Variants in AFAP1 observed in about 807,000 individuals in gnomAD.
The protein encoded by AFAP1 is actin filament-associated protein 1.
In AFAP1, 75 loss-of-function variants were observed where a neutral mutation model predicts 93.9. The observed-to-expected ratio is 0.80, with a 90% confidence interval of 0.66 to 0.97. AFAP1 has a LOEUF of 0.97. Ranked by LOEUF, AFAP1 falls within the 50% of genes least tolerant of loss-of-function variation. The probability of loss-of-function intolerance (pLI) is 0.00; values close to 1 mark genes in which losing one functional copy is unlikely to be tolerated. For synonymous variants in AFAP1, 517 were observed against 430.7 expected (o/e 1.20, Z -2.48); for missense variants, 1,201 against 1,050.8 (o/e 1.14, Z -1.98).
chr4:7,774,960 G>A (rs1715949600), intron 14 of AFAP1, 57 bp from the exon 15 acceptor site: 3 of 1,577,036 alleles, frequency 1.9e-6, no homozygotes, highest in Admixed American at 3.7e-5. Flanking sequence ...TGGGAAATAT[G>A]GGACGATCCC....
rs191045410 is a variant in AFAP1 at position 7,925,177 on chromosome 4, G to A, written c.-3+14479C>T. Among the ~76,000 whole-genome samples the A allele has an allele frequency of 8.6e-4, 127 of 147,772 alleles. 1 individual carries two copies. The highest frequency in any genetic ancestry group is 2.9e-3 in the African/African-American group (115 of 39,770). ...TTCCTTTATTTCCCCCAAAGAATAA[G>A]TCTTAAATGAGGGGCTTCTCTCTGT... is the stretch of plus-strand genomic sequence containing the variant. On this transcript the variant is annotated intron_variant, in intron 1 of 17. Transcript: ENST00000420658.
intron 17 of AFAP1, among the ~76,000 whole-genome samples, chr4:7,767,096 C>G (rs549447501): frequency 6.6e-6 from 1 of 152,232 alleles, no homozygotes; most frequent in African/African-American, 2.4e-5. Context: ...TGTCACTGTT[C>G]TCAGAAATCC....
intron 1 of AFAP1, among the ~76,000 whole-genome samples, chr4:7,877,239 A>T (rs1254347691): frequency 6.6e-6 from 1 of 152,238 alleles, no homozygotes; most frequent in African/African-American, 2.4e-5. Context: ...AAGGTTTTCA[A>T]ATGAGTGACT....
chr4:7,854,579 C>T (rs1714831669), intron 4 of AFAP1, among the ~76,000 whole-genome samples: 1 of 152,160 alleles, frequency 6.6e-6, no homozygotes, highest in Admixed American at 6.5e-5. Context: ...TGGCAGGTAA[C>T]AGTATAACAA....
intron 4 of AFAP1, among the ~76,000 whole-genome samples, chr4:7,851,102 G>A (rs1167876848): frequency 6.6e-6 from 1 of 152,194 alleles, no homozygotes; most frequent in Non-Finnish European, 1.5e-5. Flanking sequence ...AGGCGAGGGT[G>A]GACCTCTGGG....
At chr4:7,922,811 C>T (rs758776631) in intron 1 of AFAP1, among the ~76,000 whole-genome samples, 4 of 152,160 alleles carry the variant, frequency 2.6e-5, no homozygotes, top group African/African-American at 9.7e-5. Flanking sequence ...CAGCAAGACC[C>T]TGTCCTTACA....
intron 6 of AFAP1, among the ~76,000 whole-genome samples, chr4:7,833,127 T>C (rs1190542823): frequency 1.3e-5 from 2 of 152,144 alleles, no homozygotes; most frequent in African/African-American, 4.8e-5. Flanking sequence ...CAAAAGCAAA[T>C]GTGATAAAAA....
rs1243568471 is a variant in AFAP1 at position 7,772,966 on chromosome 4, C to G, written c.2107G>C (p.Glu703Gln). The G allele has an allele frequency of 1.2e-6, 2 of 1,613,012 alleles. No individual in the cohort carries two copies. The highest frequency in any genetic ancestry group is 1.7e-6 in the Non-Finnish European group (2 of 1,180,008). The stretch of plus-strand genomic sequence containing the variant: ...GCCTCCTTCTGCCGGCACTCCTCCT[C>G]CAGCTGCTTCAGCTTCTCCTCCAGG... ...AILEEKLKQL[E>Q]EECRQKEAER... The change falls in exon 16 of 18, where the codon GAG becomes CAG. Residue 703 changes from glutamate (E) to glutamine (Q), a missense_variant. By Grantham distance (29) the Glu-to-Gln change is conservative. Coordinates refer to ENST00000420658, the MANE Select transcript of AFAP1 (RefSeq NM_001134647.2).
intron 8 of AFAP1, among the ~76,000 whole-genome samples, chr4:7,814,754 G>A (rs751555251): frequency 6.6e-6 from 1 of 152,232 alleles, no homozygotes; most frequent in Non-Finnish European, 1.5e-5. Flanking sequence ...TCGGGTAGAG[G>A]CAGAGGCAGA....
chr4:7,851,846 T>C (rs2149134519), intron 4 of AFAP1, among the ~76,000 whole-genome samples: 1 of 152,264 alleles, frequency 6.6e-6, no homozygotes, highest in Non-Finnish European at 1.5e-5. Context: ...ACTGGTCCAC[T>C]TCCATCATGA....
chr4:7,783,474 C>T (rs1716973898), intron 12 of AFAP1, among the ~76,000 whole-genome samples: 1 of 152,102 alleles, frequency 6.6e-6, no homozygotes. Flanking sequence ...AGAAATGAGG[C>T]CCTCCAAAAA....
At chr4:7,864,506 TAC>T (rs1188564582) in intron 3 of AFAP1, among the ~76,000 whole-genome samples, 2 of 152,202 alleles carry the variant, frequency 1.3e-5, no homozygotes, top group Non-Finnish European at 2.9e-5. Context: ...ATCAGAAAAC[TAC>T]AGTCCAGCTA....
chr4:7,893,913 G>A (rs1006231591), intron 1 of AFAP1, among the ~76,000 whole-genome samples: 3 of 152,156 alleles, frequency 2.0e-5, no homozygotes, highest in African/African-American at 4.8e-5. Flanking sequence ...AGGAAATAAT[G>A]CAAACGCTGC....
At chr4:7,852,386 C>T (rs577732316) in intron 4 of AFAP1, among the ~76,000 whole-genome samples, 44 of 152,290 alleles carry the variant, frequency 2.9e-4, no homozygotes, top group Non-Finnish European at 5.1e-4. Flanking sequence ...CTGGGCTCCT[C>T]GTGTCAGTAA....
Position 7,781,574 on chromosome 4 carries a change from C to T in AFAP1, c.1584G>A (p.Glu528=). The change falls in exon 13 of 18, where the codon GAG becomes GAA. Residue 528 remains glutamate (E), a synonymous_variant. Transcript: ENST00000420658. The part of the protein sequence containing the change: ...PASCSRGLGE[E]VLYDNAGLYD... ...ACAGGCCTGCGTTATCATAAAGCAC[C>T]TCTTCTCCCAAGCCTCTGCTGCAGG... The T allele has an allele frequency of 1.3e-6, 2 of 1,551,858 alleles. No individual in the cohort carries two copies. The highest frequency in any genetic ancestry group is 1.7e-6 in the Non-Finnish European group (2 of 1,147,046).
rs776763944 is a variant in AFAP1, at chr4:7,768,942, C to CGGTGTCACT, written c.2311_2319dup (p.Ser771_Thr773dup). 1 of 1,613,916 alleles carries CGGTGTCACT rather than the reference C, an allele frequency of 6.2e-7. No homozygotes were observed. Among genetic ancestry groups the CGGTGTCACT allele is most frequent in the Non-Finnish European group, 8.5e-7 (1 of 1,179,898 alleles). On this transcript the variant is annotated inframe_insertion, in exon 17 of 18. Transcript: ENST00000420658. ...GCGCTGTTCACCGGCACGGGGCCCTCGGTGTCACTGGTGTCACAGCTGGAG... is the reference window on the plus strand; with the variant it reads ...GCGCTGTTCACCGGCACGGGGCCCTCGGTGTCACTGGTGTCACTGGTGTCACAGCTGGAG...
chr4:7,766,839 C>T (rs1374659217), intron 17 of AFAP1, among the ~76,000 whole-genome samples: 1 of 152,096 alleles, frequency 6.6e-6, no homozygotes, highest in African/African-American at 2.4e-5. Flanking sequence ...GCCAGGAAGC[C>T]CTGGGGCACG....
At chr4:7,842,319 A>C (rs1713124085) in intron 5 of AFAP1, among the ~76,000 whole-genome samples, 1 of 150,548 alleles carries the variant, frequency 6.6e-6, no homozygotes, top group African/African-American at 2.4e-5. Flanking sequence ...AAAAAAAAAA[A>C]AAAGATAAAA....
rs139029739 is a variant in AFAP1, at chr4:7,880,754, A to C, written c.-2-8674T>G. 2.6e-3 allele frequency among the ~76,000 whole-genome samples: 401 copies of C among 152,308 alleles called. 2 individuals carry two copies. Among genetic ancestry groups the C allele is most frequent in the Non-Finnish European group, 4.2e-3 (283 of 68,026 alleles). On this transcript the variant is annotated intron_variant, in intron 1 of 17. Coordinates refer to ENST00000420658, the MANE Select transcript of AFAP1 (RefSeq NM_001134647.2). ...TCACACAGGAACTCCAAGACTGAGG[A>C]GGCTAAAGCATTGTCTGTCTCCGCT...
Sources: gnomAD v4.1 joint callset for allele counts (sites outside exome capture counted in the v4.1 genomes callset) on GRCh38, gnomAD v4.1.1 for gene constraint, MANE v1.5 for transcripts, NCBI Gene and HGNC (gene_info 2026-07-23, HGNC 2026-07-21) for gene names.